The following GDA variants were observed in gnomAD, a reference collection of about 807,000 sequenced individuals.
GDA encodes guanine deaminase.
In GDA, 18 loss-of-function variants were observed where a neutral mutation model predicts 59.6. That is an observed-to-expected ratio of 0.30 (90% CI 0.21 to 0.45). The LOEUF (loss-of-function observed/expected upper bound fraction) is 0.45, where lower values mean the gene tolerates loss of function less well. GDA is among the 20% of genes least tolerant of loss of function. GDA has a pLI of 1.00. For missense variants in GDA, 427 were observed against 552.3 expected (o/e 0.77, Z 2.27); for synonymous variants, 201 against 201.1 (o/e 1.00, Z 0.00).
intron 1 of GDA, among the ~76,000 whole-genome samples, chr9:72,181,310 C>G (rs1313812520): frequency 6.6e-6 from 1 of 151,962 alleles, no homozygotes; most frequent in Non-Finnish European, 1.5e-5. Flanking sequence ...TTATGCTTAT[C>G]ATGTCCTTAC....
intron 3 of GDA, among the ~76,000 whole-genome samples, chr9:72,209,923 A>G (rs1835157216): frequency 6.6e-6 from 1 of 152,122 alleles, no homozygotes; most frequent in Admixed American, 6.6e-5. Flanking sequence ...CCAGATTTTC[A>G]CTTAAACCTC....
chr9:72,178,413 A>ATTTTTTTTTTTTTTTTTTTTTTTTTTTT (rs145032320), intron 1 of GDA, among the ~76,000 whole-genome samples: 1 of 117,170 alleles, frequency 8.5e-6, no homozygotes, highest in African/African-American at 3.4e-5. Flanking sequence ...TGGAATCGAT[A>ATTTTTTTTTTTTTTTTTTTTTTTTTTTT]TTTTTTTTTT....
chr9:72,151,703 G>T (rs992183150), intron 1 of GDA, among the ~76,000 whole-genome samples: 1 of 151,700 alleles, frequency 6.6e-6, no homozygotes, highest in Admixed American at 6.6e-5. Context: ...TGCCTCCCGG[G>T]TTCATGCCAT....
At chr9:72,176,255 T>C (rs898223571) in intron 1 of GDA, among the ~76,000 whole-genome samples, 2 of 152,310 alleles carry the variant, frequency 1.3e-5, no homozygotes, top group East Asian at 3.9e-4. Context: ...TACTTGAGTG[T>C]TCTTACCCTA....
chr9:72,147,493 C>T (rs1056391401), upstream of GDA, among the ~76,000 whole-genome samples: 2 of 152,192 alleles, frequency 1.3e-5, no homozygotes, highest in African/African-American at 4.8e-5. Context: ...CGTGAGCCAT[C>T]GTGCCCAGCC....
At chr9:72,131,731 T>A (rs1291450019) in intron 1 of GDA, among the ~76,000 whole-genome samples, 1 of 152,084 alleles carries the variant, frequency 6.6e-6, no homozygotes, top group Non-Finnish European at 1.5e-5. Flanking sequence ...GTGTCACCCA[T>A]CTTCCCTCCT....
At chr9:72,148,123 C>T (rs1020329732), upstream of GDA, among the ~76,000 whole-genome samples, 1 of 152,140 alleles carries the variant, frequency 6.6e-6, no homozygotes, top group Non-Finnish European at 1.5e-5. Context: ...AAAAACTGCT[C>T]ACACACTGCA....
At chr9:72,185,732 C>G (rs923039430) in intron 1 of GDA, among the ~76,000 whole-genome samples, 5 of 152,194 alleles carry the variant, frequency 3.3e-5, no homozygotes, top group Admixed American at 6.5e-5. Context: ...TCCATAGCAA[C>G]AAGCCTCTTG....
At chr9:72,244,083 A>G (rs1430803760) in intron 11 of GDA, among the ~76,000 whole-genome samples, 1 of 151,956 alleles carries the variant, frequency 6.6e-6, no homozygotes, top group East Asian at 1.9e-4. Flanking sequence ...AGGCTGAGGC[A>G]GGAGAATGGT....
chr9:72,248,205 C>G, intron 13 of GDA, 67 bp from the exon 14 acceptor site: 2 of 1,081,968 alleles, frequency 1.8e-6, no homozygotes, highest in South Asian at 2.5e-5. Flanking sequence ...AAATCTCTCC[C>G]AATGGCAAGG....
chr9:72,195,337 CTT>C (rs55634274), intron 1 of GDA, among the ~76,000 whole-genome samples, 161 bp from the exon 2 acceptor site: 40 of 119,542 alleles, frequency 3.3e-4, no homozygotes, highest in South Asian at 2.4e-3. Flanking sequence ...AAACACCTGT[CTT>C]TTTTTTTTTT....
At chr9:72,240,986 G>A (rs1422048135) in intron 10 of GDA, among the ~76,000 whole-genome samples, 166 bp from the exon 11 acceptor site, 2 of 152,190 alleles carry the variant, frequency 1.3e-5, no homozygotes, top group African/African-American at 4.8e-5. Flanking sequence ...TACAGATTTT[G>A]AATTGCTTTA....
chr9:72,175,097 C>G (rs907407339), intron 1 of GDA, among the ~76,000 whole-genome samples: 2 of 151,886 alleles, frequency 1.3e-5, no homozygotes, highest in African/African-American at 4.8e-5. Flanking sequence ...CACCCAGGAC[C>G]CTATAGGACA....
intron 1 of GDA, among the ~76,000 whole-genome samples, chr9:72,124,349 T>C (rs1324626762): frequency 6.6e-6 from 1 of 152,228 alleles, no homozygotes; most frequent in African/African-American, 2.4e-5. Context: ...CAGTATTTTA[T>C]GTGTCACCAA....
chr9:72,259,734 A>G (rs770366135), downstream of GDA, among the ~76,000 whole-genome samples: 7 of 152,222 alleles, frequency 4.6e-5, no homozygotes, highest in Non-Finnish European at 1.0e-4. Flanking sequence ...AAGCTAGTCA[A>G]AAGATTTTCT....
intron 1 of GDA, among the ~76,000 whole-genome samples, chr9:72,177,597 C>T (rs1224769787): frequency 6.6e-6 from 1 of 151,922 alleles, no homozygotes; most frequent in Non-Finnish European, 1.5e-5. Flanking sequence ...AAAACAAAAA[C>T]ATCAATAGTA....
intron 1 of GDA, among the ~76,000 whole-genome samples, chr9:72,191,401 G>A (rs949819809): frequency 4.0e-5 from 6 of 151,896 alleles, no homozygotes; most frequent in South Asian, 2.1e-4. Context: ...ATCTAACCTC[G>A]ACAAGGAAAA....
chr9:72,210,605 A>G (rs1032021707), intron 3 of GDA, 82 bp from the exon 4 acceptor site: 5 of 765,768 alleles, frequency 6.5e-6, no homozygotes, highest in Admixed American at 2.1e-5. Context: ...AAAATTAAAA[A>G]CTAAAATTCT....
At chr9:72,236,067 T>C (rs1242263684) in intron 10 of GDA, among the ~76,000 whole-genome samples, 2 of 152,238 alleles carry the variant, frequency 1.3e-5, no homozygotes, top group Non-Finnish European at 2.9e-5. Flanking sequence ...CTCCATGCTT[T>C]CTCAAAATCC....
Sources: gnomAD v4.1 joint callset for allele counts (sites outside exome capture counted in the v4.1 genomes callset) on GRCh38, gnomAD v4.1.1 for gene constraint, MANE v1.5 for transcripts, NCBI Gene and HGNC (gene_info 2026-07-23, HGNC 2026-07-21) for gene names.